GIGYF2: variants seen among roughly 807,000 people sequenced by gnomAD.
The protein encoded by GIGYF2 is GRB10-interacting GYF protein 2.
GIGYF2 carries 25 observed loss-of-function variants against 208.1 expected under a neutral mutation model. The ratio of observed to expected loss-of-function variants is 0.12; its 90% CI spans 0.09 to 0.17. GIGYF2 has a LOEUF of 0.17. Among genes scored for constraint, GIGYF2 ranks in the 10% least tolerant of loss-of-function variants. GIGYF2 has a pLI of 1.00. For synonymous variants in GIGYF2, 534 were observed against 543.8 expected (o/e 0.98, Z 0.25); for missense variants, 1,302 against 1,579.4 (o/e 0.82, Z 2.98).
intron 2 of GIGYF2, among the ~76,000 whole-genome samples, chr2:232,718,135 G>A (rs948175430): frequency 1.3e-5 from 2 of 152,100 alleles, no homozygotes; most frequent in African/African-American, 4.8e-5. Context: ...TTGCCAAGCT[G>A]CAGTGCAGTG....
At chr2:232,836,099 A>G (rs1364269082) in intron 22 of GIGYF2, among the ~76,000 whole-genome samples, 2 of 150,678 alleles carry the variant, frequency 1.3e-5, no homozygotes, top group Non-Finnish European at 2.9e-5. Flanking sequence ...ACATGCTGCC[A>G]GCAAATATTC....
chr2:232,761,452 A>G lies in GIGYF2; in HGVS notation c.532+16A>G, dbSNP rs1169506811. On this transcript the variant is annotated intron_variant, in intron 8 of 28. Transcript: ENST00000373563. ...AAAGATGTAGGTAAGGTTCTTACCT[A>G]CACACATAAGGATAAATTTATTAAA... The G allele has an allele frequency of 4.0e-6, 6 of 1,500,830 alleles. No individual in the cohort carries two copies. Among genetic ancestry groups the G allele is most frequent in the Non-Finnish European group, 5.6e-6 (6 of 1,077,604 alleles). 93.0% of individuals were successfully genotyped at this position (1,500,830 alleles called of 1,614,324 possible). A position where few individuals can be genotyped will look rare whatever the true frequency, so the allele number is the denominator to read the frequency against.
At chr2:232,814,579 A>G (rs964820875) in intron 18 of GIGYF2, among the ~76,000 whole-genome samples, 1 of 69,282 alleles carries the variant, frequency 1.4e-5, no homozygotes, top group East Asian at 3.6e-4. Context: ...CCCCCCCCCA[A>G]AAAAAAAGTA....
At chr2:232,786,843 G>T (rs182005713) in intron 8 of GIGYF2, among the ~76,000 whole-genome samples, 1 of 152,116 alleles carries the variant, frequency 6.6e-6, no homozygotes, top group Non-Finnish European at 1.5e-5. Flanking sequence ...AAGAAACTTG[G>T]TGATGGTTCC....
intron 3 of GIGYF2, 68 bp from the exon 4 acceptor site, chr2:232,747,547 A>G (rs1698190505): frequency 1.9e-6 from 3 of 1,546,180 alleles, no homozygotes; most frequent in Non-Finnish European, 2.7e-6. Context: ...ATTTTTTTTG[A>G]CAGTGTATAG....
intron 2 of GIGYF2, chr2:232,729,934 C>T (rs1027574735): frequency 1.8e-5 from 13 of 732,976 alleles, no homozygotes; most frequent in Non-Finnish European, 3.0e-5. Context: ...GCTCCTCTTC[C>T]TATAGTGTCT....
intron 9 of GIGYF2, among the ~76,000 whole-genome samples, chr2:232,790,365 C>T (rs904747299): frequency 2.0e-5 from 3 of 152,092 alleles, no homozygotes; most frequent in Admixed American, 6.6e-5. Context: ...GAGGAGTTGG[C>T]GGCTAATCAG....
rs759309090 is a variant in GIGYF2 at position 232,806,688 on chromosome 2, T to C, written c.1806+31T>C. The C allele has an allele frequency of 1.4e-6, 2 of 1,477,532 alleles. No individual in the cohort carries two copies. Among genetic ancestry groups the C allele is most frequent in the Non-Finnish European group, 1.9e-6 (2 of 1,055,790 alleles). 91.5% of individuals were successfully genotyped at this position (1,477,532 alleles called of 1,614,324 possible). ...TACCTTTCACCTCACCTGGAATACA[T>C]ATTAGTCACGGAAACACTTGATTCT... On this transcript the variant is annotated intron_variant, in intron 15 of 28. Coordinates refer to ENST00000373563, the MANE Select transcript of GIGYF2 (RefSeq NM_001103146.3). This position sits in a 1 kb window ranked among gnomAD's most constrained non-coding sequence, Gnocchi z 4.0.
At chr2:232,715,057 G>A (rs1696617772) in intron 2 of GIGYF2, among the ~76,000 whole-genome samples, 1 of 152,184 alleles carries the variant, frequency 6.6e-6, no homozygotes, top group Non-Finnish European at 1.5e-5. Context: ...TTCCTGCATT[G>A]GTTTGCTAAG....
At chr2:232,840,525 CTCAT>C (rs56108365) in intron 23 of GIGYF2, among the ~76,000 whole-genome samples, 53,896 of 151,198 alleles carry the variant, frequency 0.36, 10,018 homozygotes, top group East Asian at 0.54. Flanking sequence ...CCATTCGGTG[CTCAT>C]TCATTCATTC....
At chr2:232,829,346 A>G (rs1010478322) in intron 21 of GIGYF2, among the ~76,000 whole-genome samples, 5 of 152,158 alleles carry the variant, frequency 3.3e-5, no homozygotes, top group South Asian at 4.1e-4. Context: ...TGCACGGTAT[A>G]TATTTTTTTC....
intron 7 of GIGYF2, 116 bp downstream of exon 7, chr2:232,760,707 T>A: frequency 5.7e-6 from 4 of 702,992 alleles, no homozygotes; most frequent in Non-Finnish European, 1.0e-5. Context: ...TAAAAAATGC[T>A]CTTAAGTATT....
In GIGYF2 at chr2:232,812,419, G is replaced by T; in HGVS notation, c.2035G>T (p.Val679Leu). Residue 679 changes from valine to leucine, a missense_variant, in exon 18 of 29, where the codon GTA becomes TTA. Transcript: ENST00000373563. Reference sequence around the variant, plus strand: ...ATCTGATCAGAACATCATTCCCTCAGTAACTAGGTCTGTGTCCGTGCCAGA... The same window carrying T: ...ATCTGATCAGAACATCATTCCCTCATTAACTAGGTCTGTGTCCGTGCCAGA... ...RISDQNIIPSVTRSVSVPDTG... is the reference protein window; with the variant it reads ...RISDQNIIPSLTRSVSVPDTG... 6.6e-7 allele frequency: 1 copy of T among 1,505,588 alleles called. No homozygotes were observed. Among genetic ancestry groups the T allele is most frequent in the Non-Finnish European group, 9.2e-7 (1 of 1,082,444 alleles). 93.3% of individuals were successfully genotyped at this position (1,505,588 alleles called of 1,614,324 possible).
chr2:232,762,717 G>A (rs1321283404), intron 8 of GIGYF2, among the ~76,000 whole-genome samples: 1 of 152,016 alleles, frequency 6.6e-6, no homozygotes, highest in Non-Finnish European at 1.5e-5. Context: ...TATGAATGTG[G>A]CATTGGGAAT....
Position 232,821,867 on chromosome 2 carries a change from T to C in GIGYF2, c.2529+1882T>C, listed in dbSNP as rs74604719. Reference sequence around the variant, plus strand: ...TGATATGAGGTATGGGTTGTTCCAGTGCCTGTTTTTGCAAAGTCTTTACTT... The same window carrying C: ...TGATATGAGGTATGGGTTGTTCCAGCGCCTGTTTTTGCAAAGTCTTTACTT... On this transcript the variant is annotated intron_variant, in intron 21 of 28. Transcript: ENST00000373563. 4.4e-3 allele frequency among the ~76,000 whole-genome samples: 676 copies of C among 152,176 alleles called. 5 individuals carry two copies. The highest frequency in any genetic ancestry group is 7.5e-3 in the Non-Finnish European group (512 of 68,004).
intron 27 of GIGYF2, among the ~76,000 whole-genome samples, chr2:232,848,357 G>T (rs571757242): frequency 6.6e-6 from 1 of 152,086 alleles, no homozygotes; most frequent in Non-Finnish European, 1.5e-5. Context: ...TTTACACAGC[G>T]AAATCTGGTG....
In GIGYF2 at chr2:232,816,949, A is replaced by G; in HGVS notation, c.2287A>G (p.Arg763Gly). The G allele has an allele frequency of 6.2e-7, 1 of 1,612,364 alleles. No individual in the cohort carries two copies. The highest frequency in any genetic ancestry group is 8.5e-7 in the Non-Finnish European group (1 of 1,178,354). The change falls in exon 20 of 29, where the codon AGA (arginine) becomes GGA (glycine). Residue 763 changes from arginine to glycine, a missense_variant. By Grantham distance (125) the Arg-to-Gly change is moderately radical. Around this residue, in one of 8 missense-constraint regions of GIGYF2, gnomAD observed 701 missense variants for 793.0 expected, o/e 0.88. Coordinates refer to ENST00000373563, the MANE Select transcript of GIGYF2 (RefSeq NM_001103146.3). ...EERKRQEELR[R>G]QQEEILRRQQ... ...GCGAAAGAGGCAGGAAGAACTCCGA[A>G]GACAACAGGAGGAAATTCTTCGGCG...
intron 28 of GIGYF2, among the ~76,000 whole-genome samples, chr2:232,853,562 C>T (rs370752091): frequency 1.3e-5 from 2 of 152,344 alleles, no homozygotes; most frequent in African/African-American, 4.8e-5. Flanking sequence ...GGTGAGCCAC[C>T]GTGCCCGGCT....
At chr2:232,768,781 T>G in intron 8 of GIGYF2, 2 of 1,601,766 alleles carry the variant, frequency 1.2e-6, no homozygotes, top group East Asian at 2.2e-5. Context: ...AAAGCTCGAT[T>G]TTTTGGCCGG....
Sources: gnomAD v4.1 joint callset for allele counts (sites outside exome capture counted in the v4.1 genomes callset) on GRCh38, gnomAD v4.1.1 for gene constraint, gnomAD v4.1.1 regional missense constraint, Gnocchi (gnomAD v3.1) non-coding constraint, MANE v1.5 for transcripts, NCBI Gene and HGNC (gene_info 2026-07-23, HGNC 2026-07-21) for gene names.